The following TAPT1 variants were observed in gnomAD, a reference collection of about 807,000 sequenced individuals.
TAPT1 encodes transmembrane anterior posterior transformation protein 1 homolog.
In TAPT1, 28 loss-of-function variants were observed where a neutral mutation model predicts 65.6. The ratio of observed to expected loss-of-function variants is 0.43; its 90% CI spans 0.32 to 0.59. The LOEUF (loss-of-function observed/expected upper bound fraction) is 0.59, where lower values mean the gene tolerates loss of function less well. TAPT1 is among the 20% of genes least tolerant of loss of function. TAPT1 has a pLI of 0.09. For missense variants in TAPT1, 563 were observed against 679.9 expected (o/e 0.83, Z 1.91); for synonymous variants, 278 against 245.2 (o/e 1.13, Z -1.25).
At chr4:16,205,096 C>T (rs1047056917) in intron 2 of TAPT1, among the ~76,000 whole-genome samples, 1 of 151,532 alleles carries the variant, frequency 6.6e-6, no homozygotes, top group African/African-American at 2.4e-5. Context: ...AAACGCCAGC[C>T]TCTTTCTGTG....
chr4:16,215,777 C>A (rs1374782789), intron 1 of TAPT1, among the ~76,000 whole-genome samples: 2 of 152,202 alleles, frequency 1.3e-5, no homozygotes, highest in African/African-American at 2.4e-5. Flanking sequence ...ACCAAATCCA[C>A]ATAGAGTAGA....
intron 7 of TAPT1, among the ~76,000 whole-genome samples, chr4:16,185,439 G>A (rs1402872882): frequency 1.3e-5 from 2 of 151,260 alleles, no homozygotes; most frequent in African/African-American, 4.9e-5. Flanking sequence ...TACAATCTTG[G>A]CTCACTGCAA....
At chr4:16,208,916 T>A (rs1166891412) in intron 2 of TAPT1, among the ~76,000 whole-genome samples, 3 of 152,112 alleles carry the variant, frequency 2.0e-5, no homozygotes, top group Non-Finnish European at 2.9e-5. Flanking sequence ...CAGGCTGGAG[T>A]ACAGTTGCAT....
chr4:16,201,892 G>C (rs148518667), intron 3 of TAPT1, among the ~76,000 whole-genome samples: 1 of 152,012 alleles, frequency 6.6e-6, no homozygotes, highest in Non-Finnish European at 1.5e-5. Flanking sequence ...ATGTCGGGTC[G>C]GGCTCTCTGA....
intron 1 of TAPT1, among the ~76,000 whole-genome samples, chr4:16,216,581 C>G (rs768728568): frequency 3.3e-5 from 5 of 152,156 alleles, no homozygotes; most frequent in Non-Finnish European, 5.9e-5. Flanking sequence ...GACTTCAGTT[C>G]CTGGCATTAC....
At chr4:16,196,617 T>A in intron 3 of TAPT1, 3 of 1,105,660 alleles carry the variant, frequency 2.7e-6, no homozygotes, top group Non-Finnish European at 3.7e-6. Flanking sequence ...TGAATGTCAA[T>A]TTGGCCAAGA....
Position 16,213,852 on chromosome 4 carries a change from G to A in TAPT1, c.246C>T (p.Tyr82=), listed in dbSNP as rs1227798710. Residue 82 remains tyrosine, a synonymous_variant, in exon 2 of 14, where the codon TAC becomes TAT. Transcript: ENST00000405303. ...RFLSAELTRG[Y]FLEHNEAKYT... ...ACTTGGCCTCATTATGTTCAAGGAA[G>A]TACCCTCTTGTTAGTTCAGCACTGA... 6.2e-7 allele frequency: 1 copy of A among 1,609,768 alleles called. No homozygotes were observed. Among genetic ancestry groups the A allele is most frequent in the South Asian group, 1.1e-5 (1 of 90,220 alleles).
chr4:16,166,681 G>A lies in TAPT1; in HGVS notation c.1426C>T (p.Pro476Ser), dbSNP rs1747643042. Residue 476 changes from proline (P) to serine (S), a missense_variant, in exon 13 of 14, where the codon CCA becomes TCA. Pro to Ser is a moderately conservative substitution (Grantham distance 74). Transcript: ENST00000405303. ...KLSNPPATCT[P>S]GKPSSKSQNK... ...TGTGATTTACTGGACGGCTTGCCTG[G>A]AGTGCAGGTTGCGGGAGGATTCGAC... The A allele has an allele frequency of 6.2e-7, 1 of 1,613,916 alleles. No individual in the cohort carries two copies. The highest frequency in any genetic ancestry group is 1.3e-5 in the African/African-American group (1 of 74,936).
chr4:16,218,224 C>A (rs1178304202), intron 1 of TAPT1, among the ~76,000 whole-genome samples: 1 of 152,020 alleles, frequency 6.6e-6, no homozygotes, highest in Non-Finnish European at 1.5e-5. Context: ...TCCAAAATGG[C>A]GAAACCCCGT....
rs1747319716 is a variant in TAPT1 at position 16,162,499 on chromosome 4, C to T, written c.*809G>A. 1 of 152,764 alleles carries T rather than the reference C, an allele frequency of 6.5e-6. No individual in the cohort carries two copies. The highest frequency in any genetic ancestry group is 1.5e-5 in the Non-Finnish European group (1 of 68,168). The allele number at this position is 152,764 out of a possible 1,614,324, so 9.5% of individuals were successfully genotyped here. A position where few individuals can be genotyped will look rare whatever the true frequency, so the allele number is the denominator to read the frequency against. On this transcript the variant is annotated 3_prime_UTR_variant, in exon 14 of 14. Transcript: ENST00000405303. ...GAAGTAATTAGTTTTAAAGCAAAAT[C>T]AGTTAAGTATACCTTAAAGTTAACA... is the stretch of plus-strand genomic sequence containing the variant.
At chr4:16,168,965 T>C (rs966776736) in intron 12 of TAPT1, among the ~76,000 whole-genome samples, 3 of 152,168 alleles carry the variant, frequency 2.0e-5, no homozygotes, top group African/African-American at 7.2e-5. Flanking sequence ...TTCAGCATTG[T>C]ATGTCAAAAA....
chr4:16,212,796 CAAGT>C (rs1474060311), intron 2 of TAPT1, among the ~76,000 whole-genome samples: 5 of 152,252 alleles, frequency 3.3e-5, no homozygotes, highest in Non-Finnish European at 7.3e-5. Context: ...AAAACTTCAG[CAAGT>C]GACGCTTCAC....
At chr4:16,227,041 G>A (rs773456987), upstream of TAPT1, 4 of 454,244 alleles carry the variant, frequency 8.8e-6, no homozygotes, top group African/African-American at 8.0e-5. Flanking sequence ...CACGAGCGCC[G>A]GCCCTGCCTG....
chr4:16,174,127 A>G, intron 11 of TAPT1, 77 bp downstream of exon 11: 1 of 1,174,946 alleles, frequency 8.5e-7, no homozygotes, highest in Non-Finnish European at 1.2e-6. Context: ...TGAAACAATC[A>G]TATTAATAAT....
chr4:16,211,284 A>G (rs1332962453), intron 2 of TAPT1, among the ~76,000 whole-genome samples: 1 of 152,136 alleles, frequency 6.6e-6, no homozygotes, highest in Non-Finnish European at 1.5e-5. Context: ...AAACAAAAAA[A>G]GCCAATAAAA....
chr4:16,192,247 G>T (rs1309288999), intron 3 of TAPT1, among the ~76,000 whole-genome samples: 3 of 152,206 alleles, frequency 2.0e-5, no homozygotes, highest in African/African-American at 7.2e-5. Flanking sequence ...AAAGCCTGTA[G>T]CCCAGGGCAC....
At position 16,163,313 on chromosome 4, in the gene TAPT1, C is replaced by A; in HGVS notation, c.1699G>T (p.Asp567Tyr). The part of the protein sequence containing the change: ...DRFTICGNRI[D>Y] ...CAGCGCATGAAGCCACAGATTCAGT[C>A]AATTCGGTTTCCACAAATTGTGAAC... The change falls in exon 14 of 14, where the codon GAC becomes TAC. Residue 567 changes from aspartate (D) to tyrosine (Y), a missense_variant. Transcript: ENST00000405303. 6.2e-7 allele frequency: 1 copy of A among 1,613,250 alleles called. No homozygotes were observed. Among genetic ancestry groups the A allele is most frequent in the South Asian group, 1.1e-5 (1 of 91,030 alleles).
chr4:16,202,496 A>G lies in TAPT1; in HGVS notation c.415T>C (p.Phe139Leu). 2 of 1,552,536 alleles carry G rather than the reference A, an allele frequency of 1.3e-6. No individual in the cohort carries two copies. Among genetic ancestry groups the G allele is most frequent in the East Asian group, 4.9e-5 (2 of 40,988 alleles). ...LLPLRVFLALFRLLTLPCYGL... is the reference protein window; with the variant it reads ...LLPLRVFLALLRLLTLPCYGL... ...TAGCAAGGCAAAGTGAGGAGCCTGA[A>G]TAGTGCCAGGAAAACTCTTAAAGGA... The change falls in exon 3 of 14, where the codon TTC becomes CTC. Residue 139 changes from phenylalanine to leucine, a missense_variant. Transcript: ENST00000405303.
intron 4 of TAPT1, chr4:16,190,745 G>C (rs971935434): frequency 6.5e-6 from 1 of 154,754 alleles, no homozygotes; most frequent in African/African-American, 2.4e-5. Context: ...TAAAGTGAAT[G>C]TATATCAGCT....
Sources: gnomAD v4.1 joint callset for allele counts (sites outside exome capture counted in the v4.1 genomes callset) on GRCh38, gnomAD v4.1.1 for gene constraint, MANE v1.5 for transcripts, NCBI Gene and HGNC (gene_info 2026-07-23, HGNC 2026-07-21) for gene names.